ITSN1: variants seen among roughly 807,000 people sequenced by gnomAD.
ITSN1 encodes intersectin 1.
Under a neutral mutation model 239.8 loss-of-function variants are expected in ITSN1, and 58 were observed. That is an observed-to-expected ratio of 0.24 (90% CI 0.20 to 0.30). The LOEUF (loss-of-function observed/expected upper bound fraction) is 0.30. Ranked by LOEUF, ITSN1 falls within the 10% of genes least tolerant of loss-of-function variation. ITSN1 has a pLI of 1.00. For synonymous variants in ITSN1, 780 were observed against 770.8 expected (o/e 1.01, Z -0.20); for missense variants, 1,558 against 2,103.3 (o/e 0.74, Z 5.07).
chr21:33,725,463 T>C (rs1326558286), intron 4 of ITSN1, among the ~76,000 whole-genome samples: 1 of 152,056 alleles, frequency 6.6e-6, no homozygotes, highest in Non-Finnish European at 1.5e-5. Flanking sequence ...AGCTGGGCAT[T>C]GTGGTGCATG....
chr21:33,788,761 A>G (rs924681814), intron 16 of ITSN1, among the ~76,000 whole-genome samples: 1 of 152,166 alleles, frequency 6.6e-6, no homozygotes, highest in African/African-American at 2.4e-5. Context: ...ATAACCAATC[A>G]GTATATATTT....
chr21:33,807,173 T>A (rs2072517443), intron 20 of ITSN1, among the ~76,000 whole-genome samples: 1 of 152,242 alleles, frequency 6.6e-6, no homozygotes, highest in South Asian at 2.1e-4. Flanking sequence ...GATTTCACTG[T>A]TATCCTTAGG....
Position 33,802,528 on chromosome 21 carries a change from C to T in ITSN1, c.2319+84C>T, listed in dbSNP as rs562193639. The T allele has an allele frequency of 5.4e-5, 73 of 1,342,506 alleles. No individual in the cohort carries two copies. In the African/African-American group the frequency reaches 5.6e-4, roughly 10 times the overall value. The allele number at this position is 1,342,506 out of a possible 1,614,324, so 83.2% of individuals were successfully genotyped here. A position where few individuals can be genotyped will look rare whatever the true frequency, so the allele number is the denominator to read the frequency against. ...GTCACTTGAATTCTGTGTAAGTACA[C>T]GTATCTCTGGGTGTTGTTGCGGCAG... On this transcript the variant is annotated intron_variant, in intron 20 of 39. Transcript: ENST00000381318.
intron 29 of ITSN1, among the ~76,000 whole-genome samples, chr21:33,842,032 C>T (rs2074841122): frequency 6.6e-6 from 1 of 150,936 alleles, no homozygotes; most frequent in Non-Finnish European, 1.5e-5. Flanking sequence ...TCCCCAGTAG[C>T]TGGGACTACA....
chr21:33,711,677 TG>T (rs2092422697), intron 1 of ITSN1, among the ~76,000 whole-genome samples: 1 of 151,660 alleles, frequency 6.6e-6, no homozygotes, highest in Admixed American at 6.6e-5. Flanking sequence ...TGTGTGTGTG[TG>T]TGTGTGTGTG....
chr21:33,714,125 T>C (rs201422288), intron 1 of ITSN1, among the ~76,000 whole-genome samples: 103 of 119,812 alleles, frequency 8.6e-4, no homozygotes, highest in African/African-American at 2.9e-3. Flanking sequence ...CCACCGCCCC[T>C]GGCCCAGCCT....
At chr21:33,695,192 G>T (rs1298881202) in intron 1 of ITSN1, among the ~76,000 whole-genome samples, 1 of 152,212 alleles carries the variant, frequency 6.6e-6, no homozygotes, top group Non-Finnish European at 1.5e-5. Context: ...CCCACCAGTG[G>T]TGTGAGAGAG....
intron 1 of ITSN1, among the ~76,000 whole-genome samples, chr21:33,713,252 G>C (rs1327764749): frequency 6.7e-6 from 1 of 149,536 alleles, no homozygotes; most frequent in African/African-American, 2.5e-5. Flanking sequence ...TTTTGTTTTT[G>C]TTTTTGAGAC....
chr21:33,795,295 A>G (rs971084437), intron 17 of ITSN1, among the ~76,000 whole-genome samples: 2 of 152,158 alleles, frequency 1.3e-5, no homozygotes, highest in African/African-American at 2.4e-5. Context: ...TAAAAATGCA[A>G]AAAATTAGCT....
chr21:33,645,492 T>A (rs942252766), intron 1 of ITSN1, among the ~76,000 whole-genome samples: 86 of 152,204 alleles, frequency 5.7e-4, no homozygotes, highest in Non-Finnish European at 2.9e-4. Context: ...AAATTTTTTT[T>A]AATATTCTGG....
intron 7 of ITSN1, among the ~76,000 whole-genome samples, chr21:33,754,788 G>A (rs2067799490): frequency 6.6e-6 from 1 of 152,192 alleles, no homozygotes; most frequent in Non-Finnish European, 1.5e-5. Flanking sequence ...CAATGGGTCT[G>A]AATTTAAACT....
In ITSN1 at chr21:33,797,702, C is replaced by G; in HGVS notation, c.2182+94C>G. 1 of 899,388 alleles carries G rather than the reference C, an allele frequency of 1.1e-6. No homozygotes were observed. Among genetic ancestry groups the G allele is most frequent in the Non-Finnish European group, 1.7e-6 (1 of 579,782 alleles). The allele number at this position is 899,388 out of a possible 1,614,324, so 55.7% of individuals were successfully genotyped here. The stretch of plus-strand genomic sequence containing the variant: ...CCTATCTCATCAGTACCTGTCTTGG[C>G]TACATTAACAGATGAGAACGTCAGT... On this transcript the variant is annotated intron_variant, in intron 18 of 39. Transcript: ENST00000381318. This position sits in a 1 kb window ranked among gnomAD's most constrained non-coding sequence, Gnocchi z 4.9.
intron 1 of ITSN1, among the ~76,000 whole-genome samples, chr21:33,698,271 C>T (rs2091880957): frequency 6.6e-6 from 1 of 152,142 alleles, no homozygotes; most frequent in African/African-American, 2.4e-5. Flanking sequence ...GATGTGCTGA[C>T]AGCTGTACCT....
chr21:33,717,929 G>A (rs2065259810), intron 1 of ITSN1, among the ~76,000 whole-genome samples: 2 of 152,168 alleles, frequency 1.3e-5, no homozygotes, highest in South Asian at 4.1e-4. Flanking sequence ...ATCGGCTGTT[G>A]ATGAATAAAT....
intron 1 of ITSN1, among the ~76,000 whole-genome samples, chr21:33,661,295 C>T (rs1476122562): frequency 6.6e-6 from 1 of 151,930 alleles, no homozygotes; most frequent in Non-Finnish European, 1.5e-5. Context: ...CAGTGATTTT[C>T]TTGGACATTG....
intron 4 of ITSN1, among the ~76,000 whole-genome samples, chr21:33,727,142 G>T (rs570397697): frequency 6.6e-6 from 1 of 151,998 alleles, no homozygotes; most frequent in East Asian, 1.9e-4. Context: ...TTATAACCGT[G>T]GCCAAAGATG....
intron 5 of ITSN1, among the ~76,000 whole-genome samples, chr21:33,746,110 A>G (rs2067164674): frequency 6.6e-6 from 1 of 152,174 alleles, no homozygotes; most frequent in Non-Finnish European, 1.5e-5. Context: ...AAAGATAAAA[A>G]CGAATTTTTT....
At chr21:33,820,620 G>GT (rs2073609634) in intron 24 of ITSN1, among the ~76,000 whole-genome samples, 1 of 152,096 alleles carries the variant, frequency 6.6e-6, no homozygotes, top group Non-Finnish European at 1.5e-5. Flanking sequence ...TTTTCAAGAG[G>GT]TTTTTTAAAG....
At chr21:33,861,689 G>A (rs982135955) in intron 31 of ITSN1, among the ~76,000 whole-genome samples, 3 of 152,098 alleles carry the variant, frequency 2.0e-5, no homozygotes, top group East Asian at 1.9e-4. Flanking sequence ...GCTCATGCCT[G>A]TTATCCCAGC....
Sources: gnomAD v4.1 joint callset for allele counts (sites outside exome capture counted in the v4.1 genomes callset) on GRCh38, gnomAD v4.1.1 for gene constraint, Gnocchi (gnomAD v3.1) non-coding constraint, MANE v1.5 for transcripts, NCBI Gene and HGNC (gene_info 2026-07-23, HGNC 2026-07-21) for gene names.